The following LRRC4B variants were observed in gnomAD, a reference collection of about 807,000 sequenced individuals.
LRRC4B encodes leucine-rich repeat-containing protein 4B.
In LRRC4B, 1 loss-of-function variant was observed where a neutral mutation model predicts 7.3. The observed-to-expected ratio is 0.14, with a 90% CI of 0.05 to 0.65. The LOEUF (loss-of-function observed/expected upper bound fraction) is 0.65. Ranked by LOEUF, LRRC4B falls within the 30% of genes least tolerant of loss-of-function variation. LRRC4B has a pLI of 0.84. For missense variants in LRRC4B, 730 were observed against 1,041.6 expected, an observed-to-expected ratio of 0.70 and a Z score of 4.12; for synonymous variants, 500 against 499.2, an observed-to-expected ratio of 1.00 and a Z score of -0.02.
intron 2 of LRRC4B, among the ~76,000 whole-genome samples, chr19:50,535,029 C>T (rs1340518054): frequency 6.6e-6 from 1 of 150,750 alleles, no homozygotes; most frequent in African/African-American, 2.4e-5. Flanking sequence ...CCACCACACC[C>T]AGCTAATTGT....
At chr19:50,557,492 C>T (rs1316353962) in intron 1 of LRRC4B, 1 of 152,198 alleles carries the variant, frequency 6.6e-6, no homozygotes, top group Non-Finnish European at 1.5e-5. Flanking sequence ...GCAAGGGGGC[C>T]CAAGTAGGGC....
Position 50,517,257 on chromosome 19 carries a change from CG to C in LRRC4B, c.*313del, listed in dbSNP as rs1407490775. The C allele has an allele frequency of 8.5e-6, 2 of 235,352 alleles. No homozygotes were observed. Among genetic ancestry groups the C allele is most frequent in the African/African-American group, 4.5e-5 (2 of 44,474 alleles). 14.6% of individuals were successfully genotyped at this position (235,352 alleles called of 1,614,324 possible). A position where few individuals can be genotyped will look rare whatever the true frequency, so the allele number is the denominator to read the frequency against. On this transcript the variant is annotated 3_prime_UTR_variant, in exon 3 of 3. Transcript: ENST00000652263. The surrounding 1 kb of genome is among the most constrained non-coding windows in gnomAD (Gnocchi z 6.6). ...TCTCTCCCCTGGAAGGCGGCGGGCCCGGAACGCTTGGTGGGAGAGCGAGGAG... is the reference window on the plus strand; with the variant it reads ...TCTCTCCCCTGGAAGGCGGCGGGCCCGAACGCTTGGTGGGAGAGCGAGGAG...
chr19:50,526,244 T>C (rs1438185262), intron 2 of LRRC4B, among the ~76,000 whole-genome samples: 1 of 152,018 alleles, frequency 6.6e-6, no homozygotes, highest in Non-Finnish European at 1.5e-5. Flanking sequence ...CCTCCTCTAC[T>C]TGTTTCCCCC....
chr19:50,552,627 T>TCCG (rs1568733892), intron 1 of LRRC4B, among the ~76,000 whole-genome samples: 28 of 103,322 alleles, frequency 2.7e-4, no homozygotes, highest in East Asian at 5.0e-4. Flanking sequence ...CATCCATCCA[T>TCCG]TCATCCATCC....
intron 2 of LRRC4B, among the ~76,000 whole-genome samples, chr19:50,541,368 CAAAAA>C (rs71332010): frequency 1.3e-5 from 1 of 75,046 alleles, no homozygotes; most frequent in Admixed American, 1.7e-4. Flanking sequence ...GACTCTATCT[CAAAAA>C]AAAAAAAAAA....
At chr19:50,546,146 C>A (rs1214773050) in intron 2 of LRRC4B, among the ~76,000 whole-genome samples, 2 of 151,954 alleles carry the variant, frequency 1.3e-5, no homozygotes, top group East Asian at 2.0e-4. Context: ...ACCAGCCTGG[C>A]CAACCTGGTG....
At chr19:50,536,994 G>A (rs1205614004) in intron 2 of LRRC4B, among the ~76,000 whole-genome samples, 1 of 152,100 alleles carries the variant, frequency 6.6e-6, no homozygotes, top group Non-Finnish European at 1.5e-5. Flanking sequence ...GGGGTGTGTG[G>A]GTACAGGCTA....
chr19:50,518,432 G>C lies in LRRC4B; in HGVS notation c.1281C>G (p.Thr427=). The C allele has an allele frequency of 6.4e-7, 1 of 1,553,760 alleles. No individual in the cohort carries two copies. Among genetic ancestry groups the C allele is most frequent in the Non-Finnish European group, 8.7e-7 (1 of 1,151,382 alleles). Residue 427 remains threonine (T), a synonymous_variant, in exon 3 of 3, where the codon ACC becomes ACG. Coordinates refer to ENST00000652263, the MANE Select transcript of LRRC4B (RefSeq NM_001080457.2). ...ACGTGTACTGGCCCGTGTCCTGCAC[G>C]GTGACGTTGGTGAAGTTAAGCGTGC... ...HDGTLNFTNV[T]VQDTGQYTCM... is the part of the protein sequence containing the mutation.
rs897599186 is a variant in LRRC4B at position 50,548,987 on chromosome 19, G to A, written c.-35-114C>T. ...TCGCCGCCTCCCTGCCCCATGCCCAGAACAAAGGGACAGGGAGGGAGACAG... is the reference window on the plus strand; with the variant it reads ...TCGCCGCCTCCCTGCCCCATGCCCAAAACAAAGGGACAGGGAGGGAGACAG... On this transcript the variant is annotated intron_variant, in intron 1 of 2. Coordinates refer to ENST00000652263, the MANE Select transcript of LRRC4B (RefSeq NM_001080457.2). This position sits in a 1 kb window ranked among gnomAD's most constrained non-coding sequence, Gnocchi z 6.8. 5 of 610,168 alleles carry A rather than the reference G, an allele frequency of 8.2e-6. No individual in the cohort carries two copies. The highest frequency in any genetic ancestry group is 1.4e-5 in the Non-Finnish European group (5 of 354,756). 37.8% of individuals were successfully genotyped at this position (610,168 alleles called of 1,614,324 possible).
intron 1 of LRRC4B, among the ~76,000 whole-genome samples, chr19:50,564,110 G>A (rs1982552973): frequency 6.6e-6 from 1 of 152,132 alleles, no homozygotes; most frequent in Non-Finnish European, 1.5e-5. Context: ...TGTCTATGGA[G>A]CCCAGCAGGG....
chr19:50,538,323 G>C (rs1334637739), intron 2 of LRRC4B, among the ~76,000 whole-genome samples: 1 of 151,790 alleles, frequency 6.6e-6, no homozygotes, highest in African/African-American at 2.4e-5. Flanking sequence ...TCGGCCTCCC[G>C]AAGTGGTGGG....
rs1029451745 is a variant in LRRC4B at position 50,556,537 on chromosome 19, T to C, written c.-35-7664A>G. On this transcript the variant is annotated intron_variant, in intron 1 of 2. Coordinates refer to ENST00000652263, the MANE Select transcript of LRRC4B (RefSeq NM_001080457.2). The surrounding 1 kb of genome is among the most constrained non-coding windows in gnomAD (Gnocchi z 4.2). ...GGTCTTCTTTGAGCTCCCCCTACCG[T>C]CCGTATCCCTTGCACTTCCTTTTCT... 6.6e-6 allele frequency among the ~76,000 whole-genome samples: 1 copy of C among 152,080 alleles called. No individual in the cohort carries two copies. The highest frequency in any genetic ancestry group is 1.5e-5 in the Non-Finnish European group (1 of 67,998).
intron 1 of LRRC4B, among the ~76,000 whole-genome samples, chr19:50,558,964 G>A (rs765262678): frequency 3.3e-5 from 5 of 152,234 alleles, no homozygotes; most frequent in East Asian, 1.9e-4. Context: ...CCAGGCCTGC[G>A]CTGCGGGAGC....
chr19:50,536,853 G>T (rs1271183078), intron 2 of LRRC4B, among the ~76,000 whole-genome samples: 1 of 152,174 alleles, frequency 6.6e-6, no homozygotes, highest in Non-Finnish European at 1.5e-5. Flanking sequence ...CCAGTAGAGG[G>T]TGCCCCTGAG....
At chr19:50,525,768 A>G (rs972001713) in intron 2 of LRRC4B, among the ~76,000 whole-genome samples, 1 of 151,774 alleles carries the variant, frequency 6.6e-6, no homozygotes, top group Non-Finnish European at 1.5e-5. Flanking sequence ...GGCCGCCCCC[A>G]TCCTGGCCCC....
At chr19:50,565,881 G>A (rs1982613299) in intron 1 of LRRC4B, among the ~76,000 whole-genome samples, 1 of 152,012 alleles carries the variant, frequency 6.6e-6, no homozygotes, top group Non-Finnish European at 1.5e-5. Context: ...CCGTGACTCC[G>A]TGCTGATGCC....
At chr19:50,562,328 T>A (rs1982495394) in intron 1 of LRRC4B, among the ~76,000 whole-genome samples, 1 of 152,080 alleles carries the variant, frequency 6.6e-6, no homozygotes, top group South Asian at 2.1e-4. Flanking sequence ...TGGGCCTCAG[T>A]TTCCCCATCT....
In LRRC4B at chr19:50,541,023, A is replaced by G. The variant is rs145395820; in HGVS notation, c.297+7519T>C. ...ATGGTGAAACCCTATCTCTACTAAAAATACAAAAAAAGTAGCCGGGCGTGC... is the reference window on the plus strand; with the variant it reads ...ATGGTGAAACCCTATCTCTACTAAAGATACAAAAAAAGTAGCCGGGCGTGC... On this transcript the variant is annotated intron_variant, in intron 2 of 2. Transcript: ENST00000652263. 9.3e-3 allele frequency among the ~76,000 whole-genome samples: 1,406 copies of G among 151,776 alleles called. 31 individuals carry two copies. The highest frequency in any genetic ancestry group is 0.032 in the African/African-American group (1,313 of 41,358).
In LRRC4B at chr19:50,553,052, G is replaced by T. The variant is rs1248631007; in HGVS notation, c.-35-4179C>A. On this transcript the variant is annotated intron_variant, in intron 1 of 2. Coordinates refer to ENST00000652263, the MANE Select transcript of LRRC4B (RefSeq NM_001080457.2). This position sits in a 1 kb window ranked among gnomAD's most constrained non-coding sequence, Gnocchi z 4.2. Reference sequence around the variant, plus strand: ...AGTATCTGCCTCCTAGGGCCACTGTGGGGATTAAATCGCTAAATCCTTGGT... The same window carrying T: ...AGTATCTGCCTCCTAGGGCCACTGTTGGGATTAAATCGCTAAATCCTTGGT... Among the ~76,000 whole-genome samples, 1 of 152,186 alleles carries T rather than the reference G, an allele frequency of 6.6e-6. No homozygotes were observed. The highest frequency in any genetic ancestry group is 1.5e-5 in the Non-Finnish European group (1 of 68,046).
Sources: gnomAD v4.1 joint callset for allele counts (sites outside exome capture counted in the v4.1 genomes callset) on GRCh38, gnomAD v4.1.1 for gene constraint, Gnocchi (gnomAD v3.1) non-coding constraint, MANE v1.5 for transcripts, NCBI Gene and HGNC (gene_info 2026-07-23, HGNC 2026-07-21) for gene names.